The following PEAK1 variants were observed in gnomAD, a reference collection of about 807,000 sequenced individuals.
PEAK1 encodes pseudopodium enriched atypical kinase 1, also known as inactive tyrosine-protein kinase PEAK1.
In PEAK1, 54 loss-of-function variants were observed where a neutral mutation model predicts 124.7. The observed-to-expected ratio is 0.43, with a 90% confidence interval of 0.35 to 0.54. The LOEUF (loss-of-function observed/expected upper bound fraction) is 0.54. PEAK1 is among the 20% of genes least tolerant of loss of function. The pLI is 0.01. For missense variants in PEAK1, 2,046 were observed against 2,134.5 expected, an observed-to-expected ratio of 0.96 and a Z score of 0.82; for synonymous variants, 719 against 760.0, an observed-to-expected ratio of 0.95 and a Z score of 0.89.
intron 9 of PEAK1, among the ~76,000 whole-genome samples, chr15:77,130,970 C>G (rs1338955526): frequency 6.6e-6 from 1 of 152,182 alleles, no homozygotes; most frequent in Non-Finnish European, 1.5e-5. Flanking sequence ...AGAGGCAGAA[C>G]CAGGATCTGA....
intron 1 of PEAK1, among the ~76,000 whole-genome samples, chr15:77,377,438 T>C (rs774827407): frequency 2.0e-5 from 3 of 151,096 alleles, no homozygotes; most frequent in Non-Finnish European, 4.4e-5. Context: ...ATGGGAAAAA[T>C]ACAATGTTAT....
chr15:77,168,782 A>T (rs562580346), intron 7 of PEAK1, among the ~76,000 whole-genome samples: 1 of 152,208 alleles, frequency 6.6e-6, no homozygotes, highest in Non-Finnish European at 1.5e-5. Context: ...GGTATGTCAA[A>T]TTCAGTCTGC....
chr15:77,394,183 AC>A (rs1178760032), intron 1 of PEAK1, among the ~76,000 whole-genome samples: 2 of 152,176 alleles, frequency 1.3e-5, no homozygotes, highest in African/African-American at 4.8e-5. Flanking sequence ...CTCTGGACCT[AC>A]CCAGGGCTAG....
chr15:77,144,222 T>A (rs1282192461), intron 8 of PEAK1, among the ~76,000 whole-genome samples: 1 of 152,228 alleles, frequency 6.6e-6, no homozygotes, highest in Non-Finnish European at 1.5e-5. Context: ...CTCTGTCTTA[T>A]CTACCACTAT....
intron 7 of PEAK1, among the ~76,000 whole-genome samples, chr15:77,176,758 T>C (rs369176549): frequency 1.3e-5 from 2 of 152,180 alleles, no homozygotes; most frequent in South Asian, 2.1e-4. Context: ...TACCGTGGCA[T>C]GCAGCCAAAG....
intron 6 of PEAK1, among the ~76,000 whole-genome samples, chr15:77,247,333 T>C (rs1279516831): frequency 6.6e-6 from 1 of 152,126 alleles, no homozygotes; most frequent in Non-Finnish European, 1.5e-5. Context: ...TCTATGATAG[T>C]TATCTTTGCC....
At chr15:77,304,326 T>C (rs961415541) in intron 2 of PEAK1, among the ~76,000 whole-genome samples, 16 of 152,186 alleles carry the variant, frequency 1.1e-4, no homozygotes, top group Admixed American at 2.6e-4. Context: ...TCTCTCTCCA[T>C]TTCTTTAGAT....
chr15:77,286,234 T>C (rs553688223), intron 3 of PEAK1, among the ~76,000 whole-genome samples, 189 bp downstream of exon 3: 2 of 152,340 alleles, frequency 1.3e-5, no homozygotes, highest in East Asian at 3.8e-4. Flanking sequence ...GAGACTGTTA[T>C]GATTTCTGTT....
intron 6 of PEAK1, among the ~76,000 whole-genome samples, chr15:77,227,008 T>A (rs1250447473): frequency 6.6e-6 from 1 of 152,162 alleles, no homozygotes; most frequent in Non-Finnish European, 1.5e-5. Flanking sequence ...GTCCTCAACC[T>A]TTAGTGCCTG....
chr15:77,407,663 T>C (rs954642184), intron 1 of PEAK1, among the ~76,000 whole-genome samples: 5 of 152,152 alleles, frequency 3.3e-5, no homozygotes, highest in Non-Finnish European at 7.3e-5. Context: ...GGTGGGAATG[T>C]AAATTAGTAC....
chr15:77,333,297 G>C, intron 2 of PEAK1: 2 of 966,364 alleles, frequency 2.1e-6, no homozygotes, highest in East Asian at 2.3e-4. Context: ...ATCACTTTTT[G>C]TGTGTTATTA....
At chr15:77,367,685 A>AT (rs1567314601) in intron 1 of PEAK1, among the ~76,000 whole-genome samples, 4 of 152,124 alleles carry the variant, frequency 2.6e-5, no homozygotes, top group African/African-American at 9.7e-5. Context: ...GGTAGTTTTC[A>AT]TTTTTCCTTA....
chr15:77,258,860 G>T (rs902293697), intron 5 of PEAK1, among the ~76,000 whole-genome samples: 1 of 152,152 alleles, frequency 6.6e-6, no homozygotes, highest in African/African-American at 2.4e-5. Flanking sequence ...TTGGCTGTGG[G>T]TTTGTCATAG....
At chr15:77,186,988 ATG>A (rs2057579607) in intron 6 of PEAK1, among the ~76,000 whole-genome samples, 1 of 152,180 alleles carries the variant, frequency 6.6e-6, no homozygotes, top group Non-Finnish European at 1.5e-5. Context: ...GAAATAAGAA[ATG>A]TGTCTCCTGA....
chr15:77,333,666 A>C (rs375248745), intron 2 of PEAK1: 1 of 974,622 alleles, frequency 1.0e-6, no homozygotes, highest in Non-Finnish European at 1.2e-6. Context: ...TTTTAAGTCA[A>C]TATTCTTACC....
intron 2 of PEAK1, chr15:77,352,088 T>C (rs2067244479): frequency 1.3e-5 from 10 of 796,900 alleles, no homozygotes; most frequent in Non-Finnish European, 1.5e-5. Context: ...GGCATGGTGA[T>C]ACATGCCTGT....
chr15:77,268,643 C>G (rs2061865438), intron 5 of PEAK1, among the ~76,000 whole-genome samples: 1 of 151,838 alleles, frequency 6.6e-6, no homozygotes, highest in Non-Finnish European at 1.5e-5. Flanking sequence ...TCTAGACATC[C>G]AAATACAAAA....
chr15:77,388,112 T>G (rs1261367677), intron 1 of PEAK1, among the ~76,000 whole-genome samples: 2 of 152,108 alleles, frequency 1.3e-5, no homozygotes, highest in Non-Finnish European at 2.9e-5. Flanking sequence ...GAGGATCGCT[T>G]GAGCCCAAGA....
intron 2 of PEAK1, among the ~76,000 whole-genome samples, chr15:77,292,156 T>C (rs2175941): frequency 0.66 from 99,585 of 151,868 alleles, 33,600 homozygotes; most frequent in Non-Finnish European, 0.75. Context: ...CATTAAATTG[T>C]CACAAACACT....
Sources: allele counts gnomAD v4.1 joint callset (sites outside exome capture counted in the v4.1 genomes callset), GRCh38; gene constraint gnomAD v4.1.1; transcripts MANE v1.5; gene names NCBI Gene and HGNC (gene_info 2026-07-23, HGNC 2026-07-21).